The following ZNF385D variants were observed in gnomAD, a reference collection of about 807,000 sequenced individuals.
ZNF385D encodes zinc finger protein 385D.
Under a neutral mutation model 35.8 loss-of-function variants are expected in ZNF385D, and 15 were observed. That is an observed-to-expected ratio of 0.42 (90% CI 0.28 to 0.64). The LOEUF (loss-of-function observed/expected upper bound fraction) is 0.64. Ranked by LOEUF, ZNF385D falls within the 30% of genes least tolerant of loss-of-function variation. The pLI is 0.23. For synonymous variants in ZNF385D, 212 were observed against 186.8 expected (o/e 1.13, Z -1.10); for missense variants, 474 against 494.6 (o/e 0.96, Z 0.39).
chr3:21,892,218 T>C (rs553721822), intron 3 of ZNF385D, among the ~76,000 whole-genome samples: 57 of 152,298 alleles, frequency 3.7e-4, no homozygotes, highest in African/African-American at 1.2e-3. Context: ...TTTGAATATA[T>C]AGAATTTAGG....
chr3:21,572,661 G>A (rs189070409), intron 2 of ZNF385D, among the ~76,000 whole-genome samples: 41 of 152,170 alleles, frequency 2.7e-4, no homozygotes, highest in African/African-American at 9.2e-4. Flanking sequence ...AATAAATCTC[G>A]TTAACCTGTA....
chr3:22,000,253 G>A (rs1047735616), intron 3 of ZNF385D, among the ~76,000 whole-genome samples: 16 of 151,832 alleles, frequency 1.1e-4, no homozygotes, highest in Non-Finnish European at 2.2e-4. Context: ...TGCAGTGAGT[G>A]GAGATCATGC....
intron 2 of ZNF385D, among the ~76,000 whole-genome samples, chr3:22,269,988 T>C (rs753114164): frequency 1.3e-5 from 2 of 151,916 alleles, no homozygotes; most frequent in Non-Finnish European, 2.9e-5. Context: ...CAGACTTTAA[T>C]GTACGTGTGA....
At chr3:21,449,846 A>G (rs1017369707) in intron 4 of ZNF385D, among the ~76,000 whole-genome samples, 2 of 152,190 alleles carry the variant, frequency 1.3e-5, no homozygotes, top group African/African-American at 4.8e-5. Flanking sequence ...CTAGCAGTCC[A>G]GGACTGAATG....
intron 2 of ZNF385D, among the ~76,000 whole-genome samples, chr3:22,366,685 C>T (rs185136863): frequency 6.6e-6 from 1 of 152,248 alleles, no homozygotes; most frequent in East Asian, 1.9e-4. Flanking sequence ...ACTGAAAATA[C>T]ATTAGTTCGT....
chr3:21,514,381 A>G (rs1435083423), intron 3 of ZNF385D, among the ~76,000 whole-genome samples: 1 of 152,320 alleles, frequency 6.6e-6, no homozygotes, highest in South Asian at 2.1e-4. Flanking sequence ...GGACGTGAGC[A>G]AAACAATAAG....
intron 3 of ZNF385D, among the ~76,000 whole-genome samples, chr3:21,904,121 G>A (rs1699551197): frequency 6.6e-6 from 1 of 151,912 alleles, no homozygotes; most frequent in East Asian, 1.9e-4. Flanking sequence ...TGGACAACAT[G>A]GTTGAAATCC....
At position 22,106,453 on chromosome 3, in the gene ZNF385D, A is replaced by C. The variant is rs531414698; in HGVS notation, c.325+62364T>G. ...TGTCTCATACAATACAGAGTACCTG[A>C]CTGGGCAGCCTTTTAGGACCTTTTT... is the stretch of plus-strand genomic sequence containing the variant. On this transcript the variant is annotated intron_variant, in intron 3 of 5. Transcript: ENST00000494108. Among the ~76,000 whole-genome samples the C allele has an allele frequency of 1.6e-3, 242 of 152,264 alleles. 2 individuals carry two copies. Among genetic ancestry groups the C allele is most frequent in the Non-Finnish European group, 1.7e-3 (114 of 68,012 alleles).
intron 2 of ZNF385D, among the ~76,000 whole-genome samples, chr3:22,326,440 A>C (rs748367057): frequency 1.2e-4 from 19 of 152,188 alleles, no homozygotes; most frequent in Non-Finnish European, 2.6e-4. Flanking sequence ...CATTTTCTGC[A>C]TGTGGCTTAA....
chr3:21,583,665 C>T (rs1344422281), intron 2 of ZNF385D, among the ~76,000 whole-genome samples: 1 of 151,698 alleles, frequency 6.6e-6, no homozygotes, highest in Admixed American at 6.6e-5. Context: ...GTCTTTTTTC[C>T]ATACTTTTCT....
At chr3:22,306,304 T>C (rs1703214015) in intron 2 of ZNF385D, among the ~76,000 whole-genome samples, 1 of 152,052 alleles carries the variant, frequency 6.6e-6, no homozygotes, top group Non-Finnish European at 1.5e-5. Flanking sequence ...GGATATAAAA[T>C]AGGGTAAACC....
rs141224216 is a variant in ZNF385D, at chr3:22,078,651, T to C, written c.325+90166A>G. 2.2e-3 allele frequency among the ~76,000 whole-genome samples: 337 copies of C among 152,148 alleles called. 1 individual carries two copies. Among genetic ancestry groups the C allele is most frequent in the African/African-American group, 7.8e-3 (323 of 41,556 alleles). On this transcript the variant is annotated intron_variant, in intron 3 of 5. Transcript: ENST00000494108. Reference sequence around the variant, plus strand: ...TTATCTTCAAAACAGAAATCTCTAATAGTGACAGGTGATGGCAATCAGTGT... The same window carrying C: ...TTATCTTCAAAACAGAAATCTCTAACAGTGACAGGTGATGGCAATCAGTGT...
intron 3 of ZNF385D, among the ~76,000 whole-genome samples, chr3:21,939,449 T>C (rs1701413411): frequency 6.6e-6 from 1 of 151,724 alleles, no homozygotes; most frequent in Non-Finnish European, 1.5e-5. Flanking sequence ...AGAAAGAATT[T>C]AGGCCTCTAA....
intron 3 of ZNF385D, among the ~76,000 whole-genome samples, chr3:21,911,713 C>T (rs568277912): frequency 3.3e-5 from 5 of 151,960 alleles, no homozygotes; most frequent in African/African-American, 9.6e-5. Flanking sequence ...CTCATTTCAA[C>T]TATTTGCCAA....
At chr3:21,833,412 G>T (rs533446935) in intron 3 of ZNF385D, among the ~76,000 whole-genome samples, 6 of 152,246 alleles carry the variant, frequency 3.9e-5, no homozygotes, top group African/African-American at 7.2e-5. Context: ...CATGTATCTT[G>T]TAAGAGAGGT....
At chr3:21,671,013 C>T (rs114008759) in intron 1 of ZNF385D, among the ~76,000 whole-genome samples, 3,390 of 152,192 alleles carry the variant, frequency 0.022, 117 homozygotes, top group African/African-American at 0.077. Flanking sequence ...GGGCTCCAGA[C>T]TTCAGCCTTG....
At chr3:22,322,630 A>T (rs1694494596) in intron 2 of ZNF385D, among the ~76,000 whole-genome samples, 1 of 152,140 alleles carries the variant, frequency 6.6e-6, no homozygotes, top group Non-Finnish European at 1.5e-5. Context: ...TAATATTTGT[A>T]TCTCTCCCAT....
intron 3 of ZNF385D, among the ~76,000 whole-genome samples, chr3:21,545,572 ATTC>A (rs1489277615): frequency 6.6e-6 from 1 of 152,214 alleles, no homozygotes; most frequent in Admixed American, 6.5e-5. Context: ...AACTATGAGT[ATTC>A]TTATGGCAAT....
At chr3:21,882,553 G>A (rs1006694219) in intron 3 of ZNF385D, among the ~76,000 whole-genome samples, 24 of 151,950 alleles carry the variant, frequency 1.6e-4, no homozygotes, top group Admixed American at 1.4e-3. Flanking sequence ...TTGTTTTATT[G>A]TGGTTGTTTG....
Sources: gnomAD v4.1 joint callset for allele counts (sites outside exome capture counted in the v4.1 genomes callset) on GRCh38, gnomAD v4.1.1 for gene constraint, MANE v1.5 for transcripts, NCBI Gene and HGNC (gene_info 2026-07-23, HGNC 2026-07-21) for gene names.